Variants in CALD1 observed in about 807,000 individuals in gnomAD.
The protein encoded by CALD1 is caldesmon.
Under a neutral mutation model 99.9 loss-of-function variants are expected in CALD1, and 33 were observed. The ratio of observed to expected loss-of-function variants is 0.33; its 90% CI spans 0.25 to 0.44. CALD1 has a LOEUF of 0.44. Ranked by LOEUF, CALD1 falls within the 20% of genes least tolerant of loss-of-function variation. The pLI is 1.00. For missense variants in CALD1, 861 were observed against 962.1 expected (o/e 0.89, Z 1.39); for synonymous variants, 310 against 325.0 (o/e 0.95, Z 0.50).
chr7:134,771,065 T>A (rs1796874263), intron 1 of CALD1, among the ~76,000 whole-genome samples: 1 of 152,194 alleles, frequency 6.6e-6, no homozygotes, highest in South Asian at 2.1e-4. Flanking sequence ...TTCAACTGCC[T>A]CTTCCCCTGA....
chr7:134,766,119 C>T (rs1796823638), intron 1 of CALD1, among the ~76,000 whole-genome samples: 1 of 150,874 alleles, frequency 6.6e-6, no homozygotes, highest in Admixed American at 6.6e-5. Flanking sequence ...GAACCATGAG[C>T]CCCTTAAACC....
At chr7:134,775,914 T>C (rs897440560), upstream of CALD1, among the ~76,000 whole-genome samples, 1 of 152,200 alleles carries the variant, frequency 6.6e-6, no homozygotes, top group Non-Finnish European at 1.5e-5. Context: ...TTTTTGTTAT[T>C]ATGAATAGCA....
chr7:134,737,049 G>C, the CALD1 span, among the ~76,000 whole-genome samples: 1 of 151,930 alleles, frequency 6.6e-6, no homozygotes, highest in East Asian at 1.9e-4. Context: ...ATAAGTATTT[G>C]AGAGATATAT....
chr7:134,914,371 G>A (rs1311378152), intron 3 of CALD1, among the ~76,000 whole-genome samples: 1 of 152,196 alleles, frequency 6.6e-6, no homozygotes, highest in Non-Finnish European at 1.5e-5. Flanking sequence ...TAAGATGGAT[G>A]GGATCCTTGA....
intron 3 of CALD1, among the ~76,000 whole-genome samples, chr7:134,902,771 A>G (rs909826260): frequency 8.5e-5 from 13 of 152,336 alleles, no homozygotes; most frequent in Admixed American, 2.0e-4. Flanking sequence ...GGTGCTGGAA[A>G]TTGTGGAAAC....
chr7:134,728,848 T>TC, the CALD1 span, among the ~76,000 whole-genome samples: 3 of 33,022 alleles, frequency 9.1e-5, no homozygotes, highest in African/African-American at 2.6e-4. Context: ...ACCTTTTCTT[T>TC]TTTTTTTTTT....
chr7:134,890,042 G>A (rs1586212912), intron 3 of CALD1, among the ~76,000 whole-genome samples: 1 of 152,046 alleles, frequency 6.6e-6, no homozygotes. Context: ...CCAAGTAGCT[G>A]GGACTACAGG....
At chr7:134,735,623 A>G in the CALD1 span, among the ~76,000 whole-genome samples, 1 of 142,370 alleles carries the variant, frequency 7.0e-6, no homozygotes, top group Non-Finnish European at 1.5e-5. Context: ...CTCTCAGTGG[A>G]ACTTGTTCTT....
intron 3 of CALD1, among the ~76,000 whole-genome samples, chr7:134,911,004 T>C (rs1803764512): frequency 6.6e-6 from 1 of 152,144 alleles, no homozygotes. Flanking sequence ...TGGCTAGTAA[T>C]TGCTTCTGAC....
intron 3 of CALD1, among the ~76,000 whole-genome samples, chr7:134,880,906 G>A (rs1015124453): frequency 3.3e-5 from 5 of 152,066 alleles, no homozygotes; most frequent in African/African-American, 1.2e-4. Flanking sequence ...CTTTTGAACT[G>A]AACAGAATGA....
chr7:134,728,439 T>A, the CALD1 span, among the ~76,000 whole-genome samples: 1 of 152,160 alleles, frequency 6.6e-6, no homozygotes, highest in Non-Finnish European at 1.5e-5. Flanking sequence ...TGAACATAGT[T>A]TGGACAGTGG....
chr7:134,789,031 T>TAAAAAAAAAAAAAAA (rs35315682), intron 1 of CALD1, among the ~76,000 whole-genome samples: 3 of 116,812 alleles, frequency 2.6e-5, no homozygotes, highest in East Asian at 2.5e-4. Context: ...AAACAAAAAG[T>TAAAAAAAAAAAAAAA]AAAAAAAAAA....
intron 3 of CALD1, among the ~76,000 whole-genome samples, chr7:134,925,464 A>G (rs1804933296): frequency 6.6e-6 from 1 of 152,174 alleles, no homozygotes; most frequent in African/African-American, 2.4e-5. Flanking sequence ...GCCGTAAAGA[A>G]CTGCCCAAGA....
At chr7:134,803,201 T>C (rs1329394721) in intron 1 of CALD1, among the ~76,000 whole-genome samples, 3 of 152,192 alleles carry the variant, frequency 2.0e-5, no homozygotes, top group African/African-American at 7.2e-5. Flanking sequence ...GAAGGATTTA[T>C]TCACGTTTCT....
rs140266737 is a variant in CALD1 at position 134,930,114 on chromosome 7, C to T, written c.218+1214C>T. On this transcript the variant is annotated intron_variant, in intron 4 of 14. Coordinates refer to ENST00000361675, the MANE Select transcript of CALD1 (RefSeq NM_033138.4). ...TAATATTCAACAAGATACAGAATTC[C>T]GCTTAATTTAATGTGATTATTCAAA... Among the ~76,000 whole-genome samples the T allele has an allele frequency of 1.7e-3, 251 of 152,082 alleles. 3 individuals are homozygous for T. Among genetic ancestry groups the T allele is most frequent in the African/African-American group, 5.3e-3 (220 of 41,512 alleles).
At chr7:134,839,135 C>T (rs1179009699) in intron 1 of CALD1, among the ~76,000 whole-genome samples, 1 of 152,188 alleles carries the variant, frequency 6.6e-6, no homozygotes, top group Non-Finnish European at 1.5e-5. Context: ...TGATTTCTAA[C>T]ATGAAGTATT....
At chr7:134,829,637 A>G (rs1260895010) in intron 1 of CALD1, among the ~76,000 whole-genome samples, 1 of 152,204 alleles carries the variant, frequency 6.6e-6, no homozygotes, top group Non-Finnish European at 1.5e-5. Context: ...GAGCTAGATT[A>G]TACACGACAT....
rs543224787 is a variant in CALD1, at chr7:134,766,824, G to A, written c.-130+22461G>A. Among the ~76,000 whole-genome samples, 8 of 152,224 alleles carry A rather than the reference G, an allele frequency of 5.3e-5. No individual in the cohort carries two copies. The South Asian group carries it at 1.5e-3, about 28-fold the overall frequency. The stretch of plus-strand genomic sequence containing the variant: ...AGAGAAGCAAGAGGAGTTAGGGATC[G>A]TGGCGGGCAGACAGGGAGGGAGGAA... On this transcript the variant is annotated intron_variant, in intron 1 of 13. Coordinates refer to the CALD1 transcript ENST00000417172.
chr7:134,931,945 C>A (rs954961163), intron 4 of CALD1, among the ~76,000 whole-genome samples: 1 of 152,136 alleles, frequency 6.6e-6, no homozygotes, highest in Non-Finnish European at 1.5e-5. Context: ...AAGTTTAGTG[C>A]AGTAACACTT....
Sources: allele counts gnomAD v4.1 joint callset (sites outside exome capture counted in the v4.1 genomes callset), GRCh38; gene constraint gnomAD v4.1.1; transcripts MANE v1.5; gene names NCBI Gene and HGNC (gene_info 2026-07-23, HGNC 2026-07-21).